Variants in PTP4A1 observed in about 807,000 individuals in gnomAD.
PTP4A1 encodes the protein protein tyrosine phosphatase 4A1, also known as protein tyrosine phosphatase type IVA 1.
PTP4A1 carries 9 observed loss-of-function variants against 20.5 expected under a neutral mutation model. The ratio of observed to expected loss-of-function variants is 0.44; its 90% CI spans 0.26 to 0.77. The LOEUF is 0.77. PTP4A1 is among the 30% of genes least tolerant of loss of function. The pLI, the probability that PTP4A1 is intolerant of heterozygous loss-of-function variation, is 0.19. For synonymous variants in PTP4A1, 78 were observed against 67.4 expected, an observed-to-expected ratio of 1.16 and a Z score of -0.77; for missense variants, 137 against 218.8, an observed-to-expected ratio of 0.63 and a Z score of 2.36.
At chr6:63,542,022 G>GGGGTGT (rs1288361187) in intron 2 of PTP4A1, among the ~76,000 whole-genome samples, 4 of 146,730 alleles carry the variant, frequency 2.7e-5, no homozygotes, top group South Asian at 2.2e-4. Flanking sequence ...AAGAAACTGT[G>GGGGTGT]GTGTGTGTGT....
At chr6:63,517,723 T>A (rs1279232312), upstream of PTP4A1, among the ~76,000 whole-genome samples, 2 of 152,156 alleles carry the variant, frequency 1.3e-5, no homozygotes, top group African/African-American at 4.8e-5. Context: ...ACAATATGTA[T>A]CACAGACACT....
chr6:63,556,748 T>C (rs1776703512), intron 3 of PTP4A1, among the ~76,000 whole-genome samples: 1 of 152,206 alleles, frequency 6.6e-6, no homozygotes, highest in Non-Finnish European at 1.5e-5. Context: ...TTTCAAAGAA[T>C]AAAAAGTATG....
At chr6:63,552,218 T>A (rs1776479501) in intron 3 of PTP4A1, among the ~76,000 whole-genome samples, 1 of 152,166 alleles carries the variant, frequency 6.6e-6, no homozygotes, top group Admixed American at 6.5e-5. Context: ...TTTCAATGAT[T>A]GGCATTCTAA....
chr6:63,551,366 G>A (rs903040478), intron 3 of PTP4A1, among the ~76,000 whole-genome samples: 5 of 152,014 alleles, frequency 3.3e-5, no homozygotes, highest in South Asian at 2.1e-4. Context: ...GCACCCAGCC[G>A]CTGTGGGTAA....
intron 3 of PTP4A1, among the ~76,000 whole-genome samples, chr6:63,565,429 G>A (rs1777150901): frequency 6.6e-6 from 1 of 151,870 alleles, no homozygotes; most frequent in South Asian, 2.1e-4. Context: ...CAAGAGAATT[G>A]TTTCTTAAAA....
intron 2 of PTP4A1, among the ~76,000 whole-genome samples, chr6:63,544,026 T>C (rs1326252901): frequency 6.6e-6 from 1 of 152,176 alleles, no homozygotes; most frequent in African/African-American, 2.4e-5. Flanking sequence ...TTCACCACAT[T>C]GTAATTCTCC....
At chr6:63,524,120 G>C (rs894539049) in intron 1 of PTP4A1, among the ~76,000 whole-genome samples, 4 of 152,014 alleles carry the variant, frequency 2.6e-5, no homozygotes, top group African/African-American at 9.7e-5. Flanking sequence ...AAGTAGCTGG[G>C]ACTACAGGCC....
At chr6:63,542,354 A>G (rs1297704056) in intron 2 of PTP4A1, among the ~76,000 whole-genome samples, 1 of 151,956 alleles carries the variant, frequency 6.6e-6, no homozygotes, top group African/African-American at 2.4e-5. Context: ...GTGCACCAAA[A>G]TCTCACAAAT....
At chr6:63,556,679 T>C (rs1776701204) in intron 3 of PTP4A1, among the ~76,000 whole-genome samples, 2 of 152,240 alleles carry the variant, frequency 1.3e-5, no homozygotes, top group Admixed American at 6.5e-5. Context: ...GGTGAATCTG[T>C]ACTACATCAA....
chr6:63,579,066 T>G (rs773475292), intron 4 of PTP4A1, 38 bp downstream of exon 4: 1 of 1,530,920 alleles, frequency 6.5e-7, no homozygotes, highest in Admixed American at 2.3e-5. Context: ...GGTAAAAATC[T>G]ATTGATAATG....
chr6:63,576,830 A>AT lies in PTP4A1; in HGVS notation c.-44dup, dbSNP rs1777894451. On this transcript the variant is annotated 5_prime_UTR_variant, in exon 2 of 6. Coordinates refer to ENST00000626021, the MANE Select transcript of PTP4A1 (RefSeq NM_003463.5). ...TTTCTTTGCATCATTTCTGTATTCA[A>AT]TTTTTTTAATTATTTCATAACCCTA... 5 of 1,457,662 alleles carry AT rather than the reference A, an allele frequency of 3.4e-6. No homozygotes were observed. Among genetic ancestry groups the AT allele is most frequent in the Non-Finnish European group, 4.7e-6 (5 of 1,056,050 alleles). 90.3% of individuals were successfully genotyped at this position (1,457,662 alleles called of 1,614,324 possible). A position where few individuals can be genotyped will look rare whatever the true frequency, so the allele number is the denominator to read the frequency against.
intron 2 of PTP4A1, among the ~76,000 whole-genome samples, chr6:63,529,065 G>A (rs917734800): frequency 6.7e-6 from 1 of 148,694 alleles, no homozygotes; most frequent in African/African-American, 2.5e-5. Flanking sequence ...CTCCAGCCTG[G>A]GCAACAAGAG....
chr6:63,541,223 C>T (rs1775957300), intron 2 of PTP4A1, among the ~76,000 whole-genome samples: 1 of 152,150 alleles, frequency 6.6e-6, no homozygotes, highest in South Asian at 2.1e-4. Flanking sequence ...GTATCAATAT[C>T]TCCCATTGCC....
chr6:63,568,429 T>C (rs1461065923), upstream of PTP4A1, among the ~76,000 whole-genome samples: 1 of 152,200 alleles, frequency 6.6e-6, no homozygotes, highest in Non-Finnish European at 1.5e-5. Context: ...TCAAATAAGT[T>C]TGCCATCTTA....
intron 3 of PTP4A1, among the ~76,000 whole-genome samples, chr6:63,556,980 C>G (rs1048421623): frequency 1.3e-5 from 2 of 152,166 alleles, no homozygotes; most frequent in Admixed American, 6.5e-5. Context: ...CAAACACTAG[C>G]GCAGTCATCC....
At chr6:63,516,870 T>C (rs1774746877), upstream of PTP4A1, among the ~76,000 whole-genome samples, 1 of 152,154 alleles carries the variant, frequency 6.6e-6, no homozygotes, top group Non-Finnish European at 1.5e-5. Flanking sequence ...GAGGTGACCT[T>C]GGAATTGGAA....
Position 63,523,954 on chromosome 6 carries a change from T to C in PTP4A1, c.-906+2128T>C, listed in dbSNP as rs186609754. 1.3e-3 allele frequency among the ~76,000 whole-genome samples: 191 copies of C among 152,228 alleles called. 1 individual carries two copies. The highest frequency in any genetic ancestry group is 1.2e-4 in the Non-Finnish European group (8 of 68,002). ...TGACTATATAAACAGTAGAAATAAA[T>C]TAAATATTAAAAAGGTAGAATTGTA... On this transcript the variant is annotated intron_variant, in intron 1 of 3. Coordinates refer to the PTP4A1 transcript ENST00000639568.
Position 63,581,728 on chromosome 6 carries a change from C to T in PTP4A1, c.*1554C>T, listed in dbSNP as rs1328130295. ...AGAAATAATGTATAGTAGAGGACAGCCTTGGTTTGTAAAGCTCAGTTCCAC... is the reference window on the plus strand; with the variant it reads ...AGAAATAATGTATAGTAGAGGACAGTCTTGGTTTGTAAAGCTCAGTTCCAC... On this transcript the variant is annotated 3_prime_UTR_variant, in exon 6 of 6. Coordinates refer to ENST00000626021, the MANE Select transcript of PTP4A1 (RefSeq NM_003463.5). 1.3e-5 allele frequency: 2 copies of T among 152,022 alleles called. No individual in the cohort carries two copies. The highest frequency in any genetic ancestry group is 4.8e-5 in the African/African-American group (2 of 41,398). The allele number at this position is 152,022 out of a possible 1,614,324, so 9.4% of individuals were successfully genotyped here.
At chr6:63,570,595 T>C (rs1048050944), upstream of PTP4A1, among the ~76,000 whole-genome samples, 1 of 152,140 alleles carries the variant, frequency 6.6e-6, no homozygotes, top group African/African-American at 2.4e-5. Context: ...TACAAGAAAA[T>C]TGGCTAACAC....
Sources: allele counts gnomAD v4.1 joint callset (sites outside exome capture counted in the v4.1 genomes callset), GRCh38; gene constraint gnomAD v4.1.1; transcripts MANE v1.5; gene names NCBI Gene and HGNC (gene_info 2026-07-23, HGNC 2026-07-21).